COG5: variants seen among roughly 807,000 people sequenced by gnomAD.
COG5 encodes component of oligomeric golgi complex 5.
Under a neutral mutation model 110.4 loss-of-function variants are expected in COG5, and 86 were observed. That is an observed-to-expected ratio of 0.78 (90% CI 0.65 to 0.93). COG5 has a LOEUF of 0.93. Ranked by LOEUF, COG5 falls within the 40% of genes least tolerant of loss-of-function variation. COG5 has a pLI of 0.00. For missense variants in COG5, 1,077 were observed against 987.0 expected, an observed-to-expected ratio of 1.09 and a Z score of -1.22; for synonymous variants, 360 against 334.6, an observed-to-expected ratio of 1.08 and a Z score of -0.83.
chr7:107,553,070 T>C (rs893047033), intron 3 of COG5, among the ~76,000 whole-genome samples: 15 of 152,144 alleles, frequency 9.9e-5, no homozygotes, highest in African/African-American at 2.9e-4. Context: ...TGGGTACTCA[T>C]AGACCTGAAG....
intron 6 of COG5, among the ~76,000 whole-genome samples, chr7:107,460,259 T>C (rs1795906392): frequency 6.6e-6 from 1 of 151,872 alleles, no homozygotes; most frequent in Non-Finnish European, 1.5e-5. Context: ...AAAAATTAGC[T>C]GGGCCTGGTG....
At chr7:107,295,356 A>G (rs972013855) in intron 12 of COG5, among the ~76,000 whole-genome samples, 2 of 151,778 alleles carry the variant, frequency 1.3e-5, no homozygotes, top group Non-Finnish European at 2.9e-5. Context: ...TTACCTCCTC[A>G]TAGAAGCTTT....
At chr7:107,302,707 C>CT (rs1807377782) in intron 11 of COG5, among the ~76,000 whole-genome samples, 1 of 152,144 alleles carries the variant, frequency 6.6e-6, no homozygotes. Flanking sequence ...GGCAAGAAAT[C>CT]TTGAGAGATA....
intron 14 of COG5, 41 bp from the exon 15 acceptor site, chr7:107,258,424 A>ATT: frequency 9.4e-7 from 1 of 1,069,156 alleles, no homozygotes; most frequent in Non-Finnish European, 1.5e-6. Flanking sequence ...CAGAATGATA[A>ATT]TTCTCTCTCT....
chr7:107,276,638 G>A (rs891884269), intron 14 of COG5, among the ~76,000 whole-genome samples: 1 of 152,150 alleles, frequency 6.6e-6, no homozygotes, highest in Non-Finnish European at 1.5e-5. Context: ...GGCCAACAGA[G>A]TGAGACCATC....
chr7:107,456,574 A>G (rs1160634353), intron 6 of COG5, among the ~76,000 whole-genome samples: 1 of 152,330 alleles, frequency 6.6e-6, no homozygotes, highest in Non-Finnish European at 1.5e-5. Context: ...AATTTGAGTT[A>G]AGGAAGGGCT....
intron 16 of COG5, among the ~76,000 whole-genome samples, chr7:107,256,200 T>C (rs1562936166): frequency 6.6e-6 from 1 of 152,180 alleles, no homozygotes; most frequent in Non-Finnish European, 1.5e-5. Context: ...GTTTTATGCC[T>C]CAGTTTAAAG....
At chr7:107,363,205 G>T (rs1813280835) in intron 8 of COG5, among the ~76,000 whole-genome samples, 1 of 152,174 alleles carries the variant, frequency 6.6e-6, no homozygotes, top group South Asian at 2.1e-4. Context: ...ATAAGTATAT[G>T]TAGTGTCCAA....
At chr7:107,437,138 T>C (rs1029038121) in intron 6 of COG5, among the ~76,000 whole-genome samples, 4 of 152,216 alleles carry the variant, frequency 2.6e-5, no homozygotes, top group African/African-American at 9.6e-5. Context: ...TCTGAATTAG[T>C]ATGAGTTTCA....
At chr7:107,536,214 C>A (rs909032600) in intron 5 of COG5, among the ~76,000 whole-genome samples, 1 of 152,100 alleles carries the variant, frequency 6.6e-6, no homozygotes, top group Non-Finnish European at 1.5e-5. Flanking sequence ...TGGCACAAGT[C>A]AAGGATGCCC....
intron 7 of COG5, among the ~76,000 whole-genome samples, chr7:107,401,535 A>C (rs1006906764): frequency 1.3e-5 from 2 of 152,202 alleles, no homozygotes; most frequent in African/African-American, 4.8e-5. Context: ...ATGGTGAAAC[A>C]ACAGCAAATT....
intron 12 of COG5, among the ~76,000 whole-genome samples, chr7:107,289,760 AC>A (rs1451987685): frequency 1.3e-5 from 2 of 152,210 alleles, no homozygotes; most frequent in Non-Finnish European, 2.9e-5. Context: ...GTGTTGTTAT[AC>A]ATATTACATC....
At chr7:107,410,725 AGCCACCGTGCCCG>A (rs1290495353) in intron 7 of COG5, among the ~76,000 whole-genome samples, 7 of 152,128 alleles carry the variant, frequency 4.6e-5, no homozygotes, top group African/African-American at 7.2e-5. Flanking sequence ...TACAGGTGTG[AGCCACCGTGCCCG>A]GCCAACAGAT....
intron 12 of COG5, among the ~76,000 whole-genome samples, chr7:107,285,462 C>A (rs529742246): frequency 3.9e-5 from 6 of 152,260 alleles, no homozygotes; most frequent in Admixed American, 3.9e-4. Flanking sequence ...AACATCTTTT[C>A]TAAAATATGT....
At chr7:107,284,314 T>G (rs530868434) in intron 12 of COG5, among the ~76,000 whole-genome samples, 1 of 152,198 alleles carries the variant, frequency 6.6e-6, no homozygotes, top group Non-Finnish European at 1.5e-5. Context: ...TTCCTTAAAC[T>G]AAAAGAATAA....
intron 7 of COG5, among the ~76,000 whole-genome samples, chr7:107,397,022 T>C (rs1435807339): frequency 1.3e-5 from 2 of 152,234 alleles, no homozygotes; most frequent in African/African-American, 4.8e-5. Context: ...TACTTTCTTC[T>C]TTTTTCTTGA....
intron 7 of COG5, among the ~76,000 whole-genome samples, chr7:107,395,490 T>A (rs905763223): frequency 2.0e-5 from 3 of 151,250 alleles, no homozygotes; most frequent in South Asian, 2.1e-4. Context: ...ACAGCTTTTT[T>A]AAATAGTGTG....
intron 2 of COG5, among the ~76,000 whole-genome samples, chr7:107,555,313 T>C (rs1337166707): frequency 6.6e-6 from 1 of 152,216 alleles, no homozygotes. Context: ...CAGGAATCCT[T>C]ATTATTGTGT....
intron 11 of COG5, among the ~76,000 whole-genome samples, chr7:107,320,123 G>C (rs1484578514): frequency 6.6e-6 from 1 of 152,114 alleles, no homozygotes; most frequent in East Asian, 1.9e-4. Flanking sequence ...GAATGAGGTG[G>C]CAAGACGGCA....
Sources: gnomAD v4.1 joint callset for allele counts (sites outside exome capture counted in the v4.1 genomes callset) on GRCh38, gnomAD v4.1.1 for gene constraint, MANE v1.5 for transcripts, NCBI Gene and HGNC (gene_info 2026-07-23, HGNC 2026-07-21) for gene names.